TGFBRAP1: variants seen among roughly 807,000 people sequenced by gnomAD.
TGFBRAP1 encodes the protein transforming growth factor beta receptor associated protein 1, also known as transforming growth factor-beta receptor-associated protein 1.
In TGFBRAP1, 20 loss-of-function variants were observed where a neutral mutation model predicts 83.2. The ratio of observed to expected loss-of-function variants is 0.24; its 90% CI spans 0.17 to 0.35. TGFBRAP1 has a LOEUF of 0.35. Among genes scored for constraint, TGFBRAP1 ranks in the 10% least tolerant of loss-of-function variants. TGFBRAP1 has a pLI of 1.00. For missense variants in TGFBRAP1, 950 were observed against 1,099.4 expected, an observed-to-expected ratio of 0.86 and a Z score of 1.92; for synonymous variants, 415 against 459.8, an observed-to-expected ratio of 0.90 and a Z score of 1.25.
intron 2 of TGFBRAP1, among the ~76,000 whole-genome samples, chr2:105,302,889 A>G (rs1678349239): frequency 6.6e-6 from 1 of 152,236 alleles, no homozygotes; most frequent in Non-Finnish European, 1.5e-5. Context: ...AAAACACAGT[A>G]ATTTGACTAG....
chr2:105,287,931 G>T (rs1046561125), intron 4 of TGFBRAP1, among the ~76,000 whole-genome samples: 16 of 152,042 alleles, frequency 1.1e-4, no homozygotes, highest in African/African-American at 3.9e-4. Context: ...TGGCAGCACC[G>T]ACACCTTCAC....
the TGFBRAP1 span, among the ~76,000 whole-genome samples, chr2:105,259,316 C>T: frequency 2.0e-5 from 3 of 152,192 alleles, no homozygotes; most frequent in Non-Finnish European, 4.4e-5. Flanking sequence ...CCAGCCCTTC[C>T]CCTCCCAAGC....
downstream of TGFBRAP1, among the ~76,000 whole-genome samples, chr2:105,263,862 G>A (rs950533168): frequency 5.9e-5 from 9 of 152,138 alleles, no homozygotes; most frequent in Admixed American, 5.9e-4. Context: ...CTCCAGCATA[G>A]GCAACAAGAG....
At chr2:105,290,914 G>T (rs766969873) in intron 4 of TGFBRAP1, among the ~76,000 whole-genome samples, 2 of 152,130 alleles carry the variant, frequency 1.3e-5, no homozygotes, top group Non-Finnish European at 2.9e-5. Context: ...GCTGAGGCAG[G>T]AGAATCCCTT....
chr2:105,276,031 C>T lies in TGFBRAP1; in HGVS notation c.1522-328G>A, dbSNP rs551016950. ...ATGTTTCTTCATGAAATAAAGAAAACGGTCACTGATAACATCTCGACACAG... is the reference window on the plus strand; with the variant it reads ...ATGTTTCTTCATGAAATAAAGAAAATGGTCACTGATAACATCTCGACACAG... On this transcript the variant is annotated intron_variant, in intron 7 of 11. Coordinates refer to ENST00000393359, the MANE Select transcript of TGFBRAP1 (RefSeq NM_004257.6). Among the ~76,000 whole-genome samples the T allele has an allele frequency of 9.2e-5, 14 of 152,018 alleles. No individual in the cohort carries two copies. In the East Asian group the frequency reaches 2.1e-3, roughly 23 times the overall value.
At chr2:105,256,904 G>C in the TGFBRAP1 span, among the ~76,000 whole-genome samples, 1 of 152,196 alleles carries the variant, frequency 6.6e-6, no homozygotes, top group Non-Finnish European at 1.5e-5. Context: ...ATGGCGATGA[G>C]AGTGACCTCT....
intron 7 of TGFBRAP1, among the ~76,000 whole-genome samples, chr2:105,275,907 T>TA (rs201840437): frequency 2.0e-3 from 299 of 147,704 alleles, no homozygotes; most frequent in Middle Eastern, 3.5e-3. Context: ...GTCCAAGAAA[T>TA]AAAAAAAAAA....
In TGFBRAP1 at chr2:105,278,434, T is replaced by G. The variant is rs539550111; in HGVS notation, c.1464-763A>C. Among the ~76,000 whole-genome samples, 3 of 152,166 alleles carry G rather than the reference T, an allele frequency of 2.0e-5. No individual in the cohort carries two copies. In the South Asian group the frequency reaches 6.2e-4, roughly 31 times the overall value. On this transcript the variant is annotated intron_variant, in intron 6 of 11. Coordinates refer to ENST00000393359, the MANE Select transcript of TGFBRAP1 (RefSeq NM_004257.6). ...CATGAGGAACAGCAGGAAGTGCTAGTGTCCGGGACTCGCAGACCACAGAGT... is the reference window on the plus strand; with the variant it reads ...CATGAGGAACAGCAGGAAGTGCTAGGGTCCGGGACTCGCAGACCACAGAGT...
At chr2:105,290,110 G>C (rs1677853325) in intron 4 of TGFBRAP1, among the ~76,000 whole-genome samples, 1 of 152,218 alleles carries the variant, frequency 6.6e-6, no homozygotes, top group Admixed American at 6.5e-5. Flanking sequence ...CCAGGCTGGA[G>C]TCCAGTGGTG....
intron 6 of TGFBRAP1, among the ~76,000 whole-genome samples, chr2:105,279,858 C>T (rs1430158769): frequency 6.6e-6 from 1 of 151,948 alleles, no homozygotes; most frequent in African/African-American, 2.4e-5. Context: ...GCCAACATGG[C>T]AAAACCCCGT....
rs781524457 is a variant in TGFBRAP1 at position 105,307,956 on chromosome 2, T to G, written c.346A>C (p.Ile116Leu). ...AGTGCAAACGTGGCTGCCCCCTTGA[T>G]GCGGGCCCCCGAAGGCACTGGCTCG... ...NLEPVPSGAR[I>L]KGAATFALNE... Residue 116 changes from isoleucine to leucine, a missense_variant, in exon 2 of 12, where the codon ATC becomes CTC. By Grantham distance (5) the Ile-to-Leu change is conservative. Coordinates refer to ENST00000393359, the MANE Select transcript of TGFBRAP1 (RefSeq NM_004257.6). The G allele has an allele frequency of 3.1e-6, 5 of 1,614,114 alleles. No homozygotes were observed. Among genetic ancestry groups the G allele is most frequent in the Non-Finnish European group, 4.2e-6 (5 of 1,180,054 alleles).
intron 5 of TGFBRAP1, among the ~76,000 whole-genome samples, chr2:105,281,889 A>G (rs781597126): frequency 2.6e-5 from 4 of 151,832 alleles, no homozygotes; most frequent in Non-Finnish European, 5.9e-5. Flanking sequence ...GGGGTGTGCT[A>G]TGGCATCTAG....
chr2:105,294,307 G>GGGGT (rs1553404589), intron 4 of TGFBRAP1, among the ~76,000 whole-genome samples: 33 of 147,990 alleles, frequency 2.2e-4, no homozygotes, highest in East Asian at 6.0e-4. Context: ...TAGGAGTGAG[G>GGGGT]GTGTGTGTGT....
intron 2 of TGFBRAP1, among the ~76,000 whole-genome samples, chr2:105,303,149 C>A (rs575264389): frequency 1.2e-3 from 189 of 152,326 alleles, no homozygotes; most frequent in Middle Eastern, 6.8e-3. Context: ...ATATACTTTA[C>A]CCAGGTGCAG....
chr2:105,317,282 C>T (rs1173025197), intron 1 of TGFBRAP1, among the ~76,000 whole-genome samples: 1 of 152,022 alleles, frequency 6.6e-6, no homozygotes, highest in African/African-American at 2.4e-5. Flanking sequence ...ACTAAAAATA[C>T]AAAAATTAGC....
intron 2 of TGFBRAP1, among the ~76,000 whole-genome samples, chr2:105,300,162 G>A (rs773503038): frequency 4.6e-5 from 7 of 152,146 alleles, no homozygotes; most frequent in Non-Finnish European, 8.8e-5. Flanking sequence ...ACTGTCATAG[G>A]ACAGGGTTTA....
chr2:105,275,173 C>G (rs1677294449), intron 8 of TGFBRAP1, among the ~76,000 whole-genome samples: 1 of 152,192 alleles, frequency 6.6e-6, no homozygotes, highest in African/African-American at 2.4e-5. Flanking sequence ...TCCCAAAGAT[C>G]AAGTCCTTCA....
intron 1 of TGFBRAP1, among the ~76,000 whole-genome samples, chr2:105,319,710 GA>G (rs1299081863): frequency 1.4e-5 from 2 of 140,252 alleles, no homozygotes; most frequent in African/African-American, 5.2e-5. Flanking sequence ...AAAAAGGAAA[GA>G]AAAAAAAAGA....
intron 4 of TGFBRAP1, 106 bp from the exon 5 acceptor site, chr2:105,284,504 A>C: frequency 9.9e-7 from 1 of 1,011,010 alleles, no homozygotes. Flanking sequence ...TAGAAATGTA[A>C]AATTACAAGC....
Sources: allele counts gnomAD v4.1 joint callset (sites outside exome capture counted in the v4.1 genomes callset), GRCh38; gene constraint gnomAD v4.1.1; transcripts MANE v1.5; gene names NCBI Gene and HGNC (gene_info 2026-07-23, HGNC 2026-07-21).